LAMA1: variants seen among roughly 807,000 people sequenced by gnomAD.
LAMA1 encodes laminin subunit alpha 1.
Under a neutral mutation model 348.7 loss-of-function variants are expected in LAMA1, and 219 were observed. The observed-to-expected ratio is 0.63, with a 90% CI of 0.56 to 0.70. LAMA1 has a LOEUF of 0.70. Among genes scored for constraint, LAMA1 ranks in the 30% least tolerant of loss-of-function variants. LAMA1 has a pLI of 0.00. For missense variants in LAMA1, 3,744 were observed against 3,888.0 expected (o/e 0.96, Z 0.99); for synonymous variants, 1,487 against 1,491.0 (o/e 1.00, Z 0.06).
At chr18:7,006,481 G>A (rs1353304233) in intron 29 of LAMA1, among the ~76,000 whole-genome samples, 2 of 152,110 alleles carry the variant, frequency 1.3e-5, no homozygotes, top group Non-Finnish European at 2.9e-5. Flanking sequence ...AAACTTCATC[G>A]TATACAGTTC....
intron 57 of LAMA1, chr18:6,953,732 T>A (rs949765885): frequency 1.3e-5 from 2 of 152,214 alleles, no homozygotes; most frequent in African/African-American, 4.8e-5. Context: ...AATTAGGGCA[T>A]CTGTGTAAAA....
intron 28 of LAMA1, 130 bp downstream of exon 28, chr18:7,008,358 C>A (rs2057842683): frequency 1.9e-6 from 2 of 1,079,384 alleles, no homozygotes; most frequent in East Asian, 2.6e-5. Flanking sequence ...AAATTAATTT[C>A]TTTTTAATTC....
intron 1 of LAMA1, among the ~76,000 whole-genome samples, chr18:7,093,063 T>G (rs914046793): frequency 6.6e-6 from 1 of 152,144 alleles, no homozygotes; most frequent in Admixed American, 6.5e-5. Context: ...TTTTCCATGC[T>G]GTGTACCCAA....
intron 3 of LAMA1, among the ~76,000 whole-genome samples, chr18:7,067,928 A>C (rs2058129920): frequency 6.6e-6 from 1 of 150,994 alleles, no homozygotes; most frequent in South Asian, 2.1e-4. Context: ...ATCTTGGCTC[A>C]CTGCAAACTC....
rs1056488218 is a variant in LAMA1, at chr18:6,999,776, G to A, written c.4469+135C>T. On this transcript the variant is annotated intron_variant, in intron 31 of 62. Coordinates refer to ENST00000389658, the MANE Select transcript of LAMA1 (RefSeq NM_005559.4). Reference sequence around the variant, plus strand: ...GGAAAACTTGTTCTGGAACAGTAATGAGGTCTTATTTCAATCAAGCACATC... The same window carrying A: ...GGAAAACTTGTTCTGGAACAGTAATAAGGTCTTATTTCAATCAAGCACATC... 19 of 1,148,992 alleles carry A rather than the reference G, an allele frequency of 1.7e-5. No homozygotes were observed. In the African/African-American group the frequency reaches 2.5e-4, roughly 15 times the overall value. 71.2% of individuals were successfully genotyped at this position (1,148,992 alleles called of 1,614,324 possible).
At chr18:7,013,606 A>C (rs1056559341) in intron 23 of LAMA1, among the ~76,000 whole-genome samples, 3 of 152,164 alleles carry the variant, frequency 2.0e-5, no homozygotes, top group African/African-American at 4.8e-5. Context: ...CAGTTCCATC[A>C]ACTGACACTA....
chr18:7,111,559 C>T (rs561313429), intron 1 of LAMA1, among the ~76,000 whole-genome samples: 17 of 152,258 alleles, frequency 1.1e-4, no homozygotes, highest in Admixed American at 4.6e-4. Context: ...TATCGTGTGG[C>T]GTTTTATGCT....
Position 6,992,565 on chromosome 18 carries a change from G to T in LAMA1, c.5164C>A (p.Leu1722Ile). ...ACACAGTAATTAGAAACTTACTTGA[G>T]TTCAAGGGTGGCATTTTGGTGCAAC... ...TQLHQNATLE[L>I]KAAEDLLSQI... Residue 1722 changes from leucine to isoleucine, a missense_variant, in exon 36 of 63, where the codon CTC becomes ATC. By Grantham distance (5) the Leu-to-Ile change is conservative. This residue lies in a region of LAMA1 where 1,983 missense variants were observed against 1,934.3 expected (regional missense o/e 1.03). Transcript: ENST00000389658. The T allele has an allele frequency of 6.2e-7, 1 of 1,614,096 alleles. No homozygotes were observed. The highest frequency in any genetic ancestry group is 8.5e-7 in the Non-Finnish European group (1 of 1,179,992).
At chr18:6,964,562 G>T in intron 51 of LAMA1, 100 bp downstream of exon 51, 1 of 1,414,760 alleles carries the variant, frequency 7.1e-7, no homozygotes, top group Non-Finnish European at 1.0e-6. Flanking sequence ...ATAAATTAGT[G>T]TTGTTTAAGC....
intron 3 of LAMA1, among the ~76,000 whole-genome samples, chr18:7,062,843 C>T (rs1325504242): frequency 6.6e-6 from 1 of 152,204 alleles, no homozygotes; most frequent in Non-Finnish European, 1.5e-5. Context: ...CACCTCTTCT[C>T]CTAGTCCTCA....
chr18:7,057,571 C>T (rs1386497260), intron 3 of LAMA1, among the ~76,000 whole-genome samples: 1 of 148,496 alleles, frequency 6.7e-6, no homozygotes. Flanking sequence ...ACCTCCTGGG[C>T]TCAAGAGATT....
At chr18:7,116,419 C>G (rs1316722088) in intron 1 of LAMA1, among the ~76,000 whole-genome samples, 33 of 152,214 alleles carry the variant, frequency 2.2e-4, no homozygotes, top group Admixed American at 2.2e-3. Flanking sequence ...CAGCCTGGCT[C>G]TGCGCAGCAG....
At chr18:7,003,565 T>TAC (rs2057818373) in intron 29 of LAMA1, among the ~76,000 whole-genome samples, 2 of 152,040 alleles carry the variant, frequency 1.3e-5, no homozygotes, top group Admixed American at 6.6e-5. Flanking sequence ...GCCAAAAAGG[T>TAC]ACACATTTTT....
chr18:6,942,468 C>T (rs1306686408), intron 62 of LAMA1, among the ~76,000 whole-genome samples: 5 of 151,630 alleles, frequency 3.3e-5, no homozygotes, highest in African/African-American at 1.2e-4. Context: ...GGCTGGAGTG[C>T]AGTGGCGCGA....
rs117608395 is a variant in LAMA1, at chr18:7,085,743, C to T, written c.62-5286G>A. 4.5e-4 allele frequency among the ~76,000 whole-genome samples: 69 copies of T among 152,196 alleles called. No individual in the cohort carries two copies. The East Asian group carries it at 0.011, about 24-fold the overall frequency. The stretch of plus-strand genomic sequence containing the variant: ...TATTTTACCCTTAATCTTACCCATT[C>T]GCCCAAGTGAACATCTATAATTTGA... On this transcript the variant is annotated intron_variant, in intron 1 of 62. Transcript: ENST00000389658.
At chr18:6,982,066 G>A (rs1224823978) in intron 41 of LAMA1, among the ~76,000 whole-genome samples, 1 of 152,136 alleles carries the variant, frequency 6.6e-6, no homozygotes, top group Non-Finnish European at 1.5e-5. Flanking sequence ...TATTAAATGA[G>A]AACCTACCAT....
intron 19 of LAMA1, among the ~76,000 whole-genome samples, chr18:7,019,580 G>A (rs1390030625): frequency 1.3e-5 from 2 of 151,436 alleles, no homozygotes; most frequent in Non-Finnish European, 2.9e-5. Context: ...TATTTTCGGT[G>A]TGAAATCTAC....
Position 7,011,387 on chromosome 18 carries a change from G to T in LAMA1, c.3600C>A (p.Asp1200Glu), listed in dbSNP as rs946671831. Residue 1200 changes from aspartate to glutamate, a missense_variant, in exon 25 of 63, where the codon GAC becomes GAA. Physicochemically the swap from Asp to Glu is conservative, Grantham distance 45. This residue lies in a region of LAMA1 where 1,529 missense variants were observed against 1,689.4 expected (regional missense o/e 0.91). Transcript: ENST00000389658. ...TTEGVYYQAP[D>E]FLLDAATVRQ... ...GGACGGTGGCGGCATCCAGCAGGAA[G>T]TCGGGGGCCTGGTAGTAAACCCCCT... 2.5e-6 allele frequency: 4 copies of T among 1,611,100 alleles called. No individual in the cohort carries two copies. The African/African-American group carries it at 5.3e-5, about 22-fold the overall frequency.
rs1275958912 is a variant in LAMA1, at chr18:7,039,518, T to G, written c.1422+558A>C. Among the ~76,000 whole-genome samples, 3 of 152,200 alleles carry G rather than the reference T, an allele frequency of 2.0e-5. No individual in the cohort carries two copies. The East Asian group carries it at 5.8e-4, about 29-fold the overall frequency. On this transcript the variant is annotated intron_variant, in intron 10 of 62. Transcript: ENST00000389658. ...GCGTTTAATTGGTGTTCTCAGAAAT[T>G]TAATGTTAATCTGGTTCTCTTCCGA...
Sources: allele counts gnomAD v4.1 joint callset (sites outside exome capture counted in the v4.1 genomes callset), GRCh38; gene constraint gnomAD v4.1.1; regional missense constraint gnomAD v4.1.1; transcripts MANE v1.5; gene names NCBI Gene and HGNC (gene_info 2026-07-23, HGNC 2026-07-21).